Variants in NOS3 observed in about 807,000 individuals in gnomAD.
NOS3 encodes NOS type III.
NOS3 carries 98 observed loss-of-function variants against 144.9 expected under a neutral mutation model. The observed-to-expected ratio is 0.68, with a 90% CI of 0.57 to 0.80. The LOEUF is 0.80. Among genes scored for constraint, NOS3 ranks in the 30% least tolerant of loss-of-function variants. NOS3 has a pLI of 0.00. For missense variants in NOS3, 1,465 were observed against 1,656.4 expected (o/e 0.88, Z 2.01); for synonymous variants, 714 against 702.4 (o/e 1.02, Z -0.26).
Position 151,000,394 on chromosome 7 carries a change from C to T in NOS3, c.1132-104C>T, listed in dbSNP as rs114428415. On this transcript the variant is annotated intron_variant, in intron 9 of 26. Coordinates refer to ENST00000297494, the MANE Select transcript of NOS3 (RefSeq NM_000603.5). The stretch of plus-strand genomic sequence containing the variant: ...GCCAGGCCTCCCAATGGACACCACT[C>T]ACCTCACTCCTTCCAGCCATGTACG... 1.0e-5 allele frequency: 8 copies of T among 770,192 alleles called. No individual in the cohort carries two copies. In the African/African-American group the frequency reaches 1.2e-4, roughly 11 times the overall value. 47.7% of individuals were successfully genotyped at this position (770,192 alleles called of 1,614,324 possible). A position where few individuals can be genotyped will look rare whatever the true frequency, so the allele number is the denominator to read the frequency against.
In NOS3 at chr7:151,010,813, G is replaced by T; in HGVS notation, c.2896+6G>T. On this transcript the variant is annotated splice_donor_region_variant and intron_variant, in intron 22 of 26. Transcript: ENST00000297494. The stretch of plus-strand genomic sequence containing the variant: ...GCTGGCATACAGGACTCAGGGTGAG[G>T]CAACAAGCAGGAGCAGGCCTGGCCA... The T allele has an allele frequency of 6.2e-7, 1 of 1,609,428 alleles. No individual in the cohort carries two copies. Among genetic ancestry groups the T allele is most frequent in the Non-Finnish European group, 8.5e-7 (1 of 1,177,884 alleles).
At chr7:151,000,810 G>A (rs1420048889) in intron 10 of NOS3, among the ~76,000 whole-genome samples, 3 of 152,156 alleles carry the variant, frequency 2.0e-5, no homozygotes, top group African/African-American at 7.2e-5. Flanking sequence ...GTGGCTTACT[G>A]TGTGCCAGGG....
Position 151,014,112 on chromosome 7 carries a change from G to A in NOS3, c.3555G>A (p.Leu1185=), listed in dbSNP as rs1369559420. 1 of 1,613,450 alleles carries A rather than the reference G, an allele frequency of 6.2e-7. No individual in the cohort carries two copies. The highest frequency in any genetic ancestry group is 1.3e-5 in the African/African-American group (1 of 74,948). Residue 1185 remains leucine, a synonymous_variant, in exon 27 of 27, where the codon TTG becomes TTA. Coordinates refer to ENST00000297494, the MANE Select transcript of NOS3 (RefSeq NM_000603.5). ...TQSFSLQERQ[L]RGAVPWAFDP... ...GCTTTTCCTTGCAGGAGCGTCAGTTGCGGGGCGCAGTGCCCTGGGCGTTCG... is the reference window on the plus strand; with the variant it reads ...GCTTTTCCTTGCAGGAGCGTCAGTTACGGGGCGCAGTGCCCTGGGCGTTCG...
intron 24 of NOS3, chr7:151,012,851 G>A: frequency 2.9e-6 from 1 of 341,562 alleles, no homozygotes; most frequent in South Asian, 4.6e-5. Flanking sequence ...GGTGCCCAGG[G>A]TGGTCTGTCA....
At position 151,007,162 on chromosome 7, in the gene NOS3, C is replaced by A. The variant is rs2566514; in HGVS notation, c.1998C>A (p.Ala666=). 5.0e-6 allele frequency: 8 copies of A among 1,613,528 alleles called. No individual in the cohort carries two copies. The African/African-American group carries it at 9.4e-5, about 19-fold the overall frequency. The change falls in exon 17 of 27, where the codon GCC becomes GCA. Residue 666 remains alanine (A), a synonymous_variant. Coordinates refer to ENST00000297494, the MANE Select transcript of NOS3 (RefSeq NM_000603.5). ...CCCACTTCTGCGCCTTTGCTCGTGC[C>A]GTGGACACACGGCTGGAGGAACTGG... The part of the protein sequence containing the change: ...AYPHFCAFAR[A]VDTRLEELGG...
rs1429050496 is a variant in NOS3 at position 150,993,929 on chromosome 7, A to G, written c.126A>G (p.Pro42=). 9 of 1,577,342 alleles carry G rather than the reference A, an allele frequency of 5.7e-6. No homozygotes were observed. In the Admixed American group the frequency reaches 7.3e-5, roughly 13 times the overall value. ...ATPAPEPSRA[P]ASLLPPAPEH... is the part of the protein sequence containing the mutation. The stretch of plus-strand genomic sequence containing the variant: ...CGGCCCCTGAGCCCAGCCGGGCCCC[A>G]GCATCCCTACTCCCACCAGCGCCAG... The change falls in exon 2 of 27, where the codon CCA becomes CCG. Residue 42 remains proline (P), a synonymous_variant. Transcript: ENST00000297494. This position sits in a 1 kb window ranked among gnomAD's most constrained non-coding sequence, Gnocchi z 4.0.
intron 23 of NOS3, among the ~76,000 whole-genome samples, chr7:151,011,428 CAG>C (rs1390365344): frequency 6.6e-6 from 1 of 151,218 alleles, no homozygotes; most frequent in East Asian, 2.0e-4. Flanking sequence ...TTTTTTCCCC[CAG>C]AGATGGAGTC....
At chr7:151,012,678 G>A in intron 24 of NOS3, 1 of 558,724 alleles carries the variant, frequency 1.8e-6, no homozygotes, top group Non-Finnish European at 3.2e-6. Context: ...CTGGTACATA[G>A]TAGGTGTTGA....
chr7:150,998,792 G>C lies in NOS3; in HGVS notation c.816+112G>C, dbSNP rs1802496511. On this transcript the variant is annotated intron_variant, in intron 7 of 26. Transcript: ENST00000297494. The surrounding 1 kb of genome is among the most constrained non-coding windows in gnomAD (Gnocchi z 5.0). Reference sequence around the variant, plus strand: ...AAGAGGGGAGCCTCGGTGAGATAAAGGATGAAAAACACCAAAGGAGGGGTG... The same window carrying C: ...AAGAGGGGAGCCTCGGTGAGATAAACGATGAAAAACACCAAAGGAGGGGTG... 4.7e-6 allele frequency: 7 copies of C among 1,478,374 alleles called. No individual in the cohort carries two copies. The highest frequency in any genetic ancestry group is 6.4e-6 in the Non-Finnish European group (7 of 1,097,552). The allele number at this position is 1,478,374 out of a possible 1,614,324, so 91.6% of individuals were successfully genotyped here.
chr7:151,006,899 A>G lies in NOS3; in HGVS notation c.1831A>G (p.Ile611Val), dbSNP rs551086550. The G allele has an allele frequency of 1.2e-6, 2 of 1,613,628 alleles. No individual in the cohort carries two copies. Among genetic ancestry groups the G allele is most frequent in the South Asian group, 2.2e-5 (2 of 91,012 alleles). Residue 611 changes from isoleucine (I) to valine (V), a missense_variant, in exon 16 of 27, where the codon ATC (isoleucine) becomes GTC (valine). Coordinates refer to ENST00000297494, the MANE Select transcript of NOS3 (RefSeq NM_000603.5). The stretch of plus-strand genomic sequence containing the variant: ...GTCCTCTCTTGCCAGGAGTTATAAG[A>G]TCCGCTTCAACAGCATCTCCTGCTC... ...PRPEQHKSYK[I>V]RFNSISCSDP...
At chr7:151,008,342 C>T (rs990048845) in intron 17 of NOS3, among the ~76,000 whole-genome samples, 2 of 152,194 alleles carry the variant, frequency 1.3e-5, no homozygotes, top group African/African-American at 4.8e-5. Context: ...CCCTGCATTT[C>T]AAGCCTGGGA....
Position 151,002,337 on chromosome 7 carries a change from T to A in NOS3, c.1752+33T>A. The stretch of plus-strand genomic sequence containing the variant: ...CTTCCAGGAAAGGGGCTGCTGGGAA[T>A]GAGGAGAGACTCAGAATTGGAGTGA... On this transcript the variant is annotated intron_variant, in intron 14 of 26. Coordinates refer to ENST00000297494, the MANE Select transcript of NOS3 (RefSeq NM_000603.5). The surrounding 1 kb of genome is among the most constrained non-coding windows in gnomAD (Gnocchi z 4.1). 1 of 1,179,502 alleles carries A rather than the reference T, an allele frequency of 8.5e-7. No individual in the cohort carries two copies. The highest frequency in any genetic ancestry group is 2.6e-5 in the East Asian group (1 of 39,096). 73.1% of individuals were successfully genotyped at this position (1,179,502 alleles called of 1,614,324 possible).
In NOS3 at chr7:150,999,328, G is replaced by A. The variant is rs747233246; in HGVS notation, c.1095G>A (p.Arg365=). 2.7e-5 allele frequency: 43 copies of A among 1,603,962 alleles called. No homozygotes were observed. Among genetic ancestry groups the A allele is most frequent in the South Asian group, 2.7e-4 (24 of 89,974 alleles). The change falls in exon 9 of 27, where the codon AGG becomes AGA. Residue 365 remains arginine, a synonymous_variant. Transcript: ENST00000297494. ...GWYMSTEIGT[R]NLCDPHRYNI... ...ACATGAGCACTGAGATCGGCACGAG[G>A]AACCTGTGTGACCCTCACCGCTACA...
Position 151,006,623 on chromosome 7 carries a change from A to C in NOS3, c.1820+129A>C, listed in dbSNP as rs1584908978. On this transcript the variant is annotated intron_variant, in intron 15 of 26. Transcript: ENST00000297494. ...TCCCACCAAAAGCCAGGGCTCCAGG[A>C]TGCCCTCCATTCCAGGCTGCAATGG... The C allele has an allele frequency of 3.7e-6, 3 of 804,132 alleles. No homozygotes were observed. In the East Asian group the frequency reaches 7.5e-5, roughly 20 times the overall value. 49.8% of individuals were successfully genotyped at this position (804,132 alleles called of 1,614,324 possible). A position where few individuals can be genotyped will look rare whatever the true frequency, so the allele number is the denominator to read the frequency against.
Position 151,010,782 on chromosome 7 carries a change from A to G in NOS3, c.2871A>G (p.Val957=), listed in dbSNP as rs771704067. The G allele has an allele frequency of 1.2e-6, 2 of 1,612,928 alleles. No individual in the cohort carries two copies. The highest frequency in any genetic ancestry group is 2.2e-5 in the South Asian group (2 of 90,856). The change falls in exon 22 of 27, where the codon GTA becomes GTG. Residue 957 remains valine (V), a synonymous_variant. Coordinates refer to ENST00000297494, the MANE Select transcript of NOS3 (RefSeq NM_000603.5). Reference sequence around the variant, plus strand: ...ACCCAGGAGAGATCCACCTCACTGTAGCTGTGCTGGCATACAGGACTCAGG... The same window carrying G: ...ACCCAGGAGAGATCCACCTCACTGTGGCTGTGCTGGCATACAGGACTCAGG... ...STHPGEIHLT[V]AVLAYRTQDG...
chr7:151,009,413 G>C lies in NOS3; in HGVS notation c.2340G>C (p.Leu780=). ...CCACCCCCAGGAGGGCCACCATCCT[G>C]GTGCGCCTGGACACCGGAGGCCAGG... is the stretch of plus-strand genomic sequence containing the variant. The part of the protein sequence containing the change: ...QSSKSTRATI[L]VRLDTGGQEG... Residue 780 remains leucine, a synonymous_variant, in exon 20 of 27, where the codon CTG becomes CTC. Coordinates refer to ENST00000297494, the MANE Select transcript of NOS3 (RefSeq NM_000603.5). 1 of 1,529,980 alleles carries C rather than the reference G, an allele frequency of 6.5e-7. No individual in the cohort carries two copies. Among genetic ancestry groups the C allele is most frequent in the South Asian group, 1.2e-5 (1 of 83,102 alleles). The allele number at this position is 1,529,980 out of a possible 1,614,324, so 94.8% of individuals were successfully genotyped here.
intron 9 of NOS3, among the ~76,000 whole-genome samples, chr7:150,999,930 G>A: frequency 7.1e-6 from 1 of 140,622 alleles, no homozygotes; most frequent in African/African-American, 2.7e-5. Flanking sequence ...GTAGGTGAGT[G>A]TGGGTTTGTG....
In NOS3 at chr7:150,993,709, C is replaced by A; in HGVS notation, c.-51-44C>A. 1 of 1,304,426 alleles carries A rather than the reference C, an allele frequency of 7.7e-7. No homozygotes were observed. 80.8% of individuals were successfully genotyped at this position (1,304,426 alleles called of 1,614,324 possible). On this transcript the variant is annotated intron_variant, in intron 1 of 26. Coordinates refer to ENST00000297494, the MANE Select transcript of NOS3 (RefSeq NM_000603.5). The surrounding 1 kb of genome is among the most constrained non-coding windows in gnomAD (Gnocchi z 4.0). ...GGGCGAGGGCCAGCACTGGAGAGCC[C>A]CCTCCCACTGCCCCCTCCTCTCGGT...
Position 150,995,264 on chromosome 7 carries a change from T to C in NOS3, c.220T>C (p.Trp74Arg), listed in dbSNP as rs1454255085. The C allele has an allele frequency of 6.2e-7, 1 of 1,611,360 alleles. No individual in the cohort carries two copies. The highest frequency in any genetic ancestry group is 8.5e-7 in the Non-Finnish European group (1 of 1,179,046). The change falls in exon 3 of 27, where the codon TGG becomes CGG. Residue 74 changes from tryptophan (W) to arginine (R), a missense_variant. Around this residue, in one of 5 missense-constraint regions of NOS3, gnomAD observed 374 missense variants for 377.0 expected, o/e 0.99. Coordinates refer to ENST00000297494, the MANE Select transcript of NOS3 (RefSeq NM_000603.5). The stretch of plus-strand genomic sequence containing the variant: ...GCCCAAGTTCCCTCGTGTGAAGAAC[T>C]GGGAGGTGGGGAGCATCACCTATGA... ...EGPKFPRVKN[W>R]EVGSITYDTL...
Sources: allele counts gnomAD v4.1 joint callset (sites outside exome capture counted in the v4.1 genomes callset), GRCh38; gene constraint gnomAD v4.1.1; regional missense constraint gnomAD v4.1.1; non-coding constraint Gnocchi (gnomAD v3.1); transcripts MANE v1.5; gene names NCBI Gene and HGNC (gene_info 2026-07-23, HGNC 2026-07-21).